Variants in ANK2 observed in about 807,000 individuals in gnomAD.
The protein encoded by ANK2 is ankyrin 2.
A neutral mutation model predicts 360.5 loss-of-function variants in ANK2; 83 were observed. That is an observed-to-expected ratio of 0.23 (90% CI 0.19 to 0.28). The LOEUF is 0.28. Ranked by LOEUF, ANK2 falls within the 10% of genes least tolerant of loss-of-function variation. The pLI is 1.00. For missense variants in ANK2, 4,201 were observed against 4,795.7 expected (o/e 0.88, Z 3.66); for synonymous variants, 1,740 against 1,759.5 (o/e 0.99, Z 0.28).
chr4:113,112,813 G>C (rs1157093321), intron 1 of ANK2, among the ~76,000 whole-genome samples: 1 of 152,154 alleles, frequency 6.6e-6, no homozygotes, highest in East Asian at 1.9e-4. Flanking sequence ...TTTTGATTTG[G>C]AGCTGGAGTG....
chr4:113,209,192 G>C lies in ANK2; in HGVS notation c.384+10083G>C, dbSNP rs181788222. 1.9e-4 allele frequency among the ~76,000 whole-genome samples: 29 copies of C among 152,074 alleles called. No homozygotes were observed. In the East Asian group the frequency reaches 3.5e-3, roughly 18 times the overall value. On this transcript the variant is annotated intron_variant, in intron 4 of 45. Coordinates refer to ENST00000357077, the MANE Select transcript of ANK2 (RefSeq NM_001148.6). ...GAGCATGGCAAAACAAGTTATGGGAGGGGGAGAAGGCGAGGTCTAGCTAAC... is the reference window on the plus strand; with the variant it reads ...GAGCATGGCAAAACAAGTTATGGGACGGGGAGAAGGCGAGGTCTAGCTAAC...
chr4:112,742,979 G>A, the ANK2 span, among the ~76,000 whole-genome samples: 2 of 152,148 alleles, frequency 1.3e-5, no homozygotes, highest in Admixed American at 6.5e-5. Context: ...TCTGAGATCC[G>A]TCAGGACTAC....
chr4:112,746,382 A>T, the ANK2 span, among the ~76,000 whole-genome samples: 7 of 152,028 alleles, frequency 4.6e-5, no homozygotes, highest in Admixed American at 4.6e-4. Context: ...GGGTTAGAAA[A>T]TCCCTAACCC....
At chr4:113,330,948 A>G (rs1465755733) in intron 27 of ANK2, among the ~76,000 whole-genome samples, 1 of 152,240 alleles carries the variant, frequency 6.6e-6, no homozygotes, top group Non-Finnish European at 1.5e-5. Context: ...TTCAGCTATC[A>G]AAATTGCTAC....
intron 5 of ANK2, among the ~76,000 whole-genome samples, chr4:113,233,182 T>A (rs1380670278): frequency 7.9e-6 from 1 of 126,860 alleles, no homozygotes; most frequent in Non-Finnish European, 1.6e-5. Context: ...TCGCCCAGGC[T>A]GGAGTGCAGT....
intron 42 of ANK2, among the ~76,000 whole-genome samples, chr4:113,368,834 A>G (rs547923131): frequency 6.6e-6 from 1 of 152,300 alleles, no homozygotes; most frequent in South Asian, 2.1e-4. Flanking sequence ...AAAGATGGGA[A>G]GAAGAGGAGA....
intron 2 of ANK2, among the ~76,000 whole-genome samples, chr4:113,018,275 G>A (rs1012003704): frequency 6.6e-6 from 1 of 152,136 alleles, no homozygotes; most frequent in Non-Finnish European, 1.5e-5. Flanking sequence ...TTGAAATTAA[G>A]TCTATCATGG....
chr4:112,743,769 T>C, the ANK2 span, among the ~76,000 whole-genome samples: 1 of 152,098 alleles, frequency 6.6e-6, no homozygotes, highest in South Asian at 2.1e-4. Context: ...GGTCTCGAAC[T>C]CCTGACCTCA....
chr4:113,090,877 G>C (rs1028388315), intron 1 of ANK2, among the ~76,000 whole-genome samples: 1 of 151,982 alleles, frequency 6.6e-6, no homozygotes, highest in Admixed American at 6.6e-5. Flanking sequence ...TTTATAATCT[G>C]CCTGGTTGTC....
chr4:113,293,167 T>C, intron 21 of ANK2: 1 of 568,454 alleles, frequency 1.8e-6, no homozygotes, highest in Admixed American at 2.2e-5. Flanking sequence ...TTGTAGAAGA[T>C]ATTTGACAAC....
At chr4:112,739,363 T>C in the ANK2 span, among the ~76,000 whole-genome samples, 5 of 152,162 alleles carry the variant, frequency 3.3e-5, no homozygotes, top group African/African-American at 9.7e-5. Flanking sequence ...CTGTAAGTAA[T>C]CTCAGCACTT....
chr4:112,722,241 C>T, the ANK2 span, among the ~76,000 whole-genome samples: 6 of 152,288 alleles, frequency 3.9e-5, no homozygotes, highest in African/African-American at 7.2e-5. Context: ...CCAAAGCATA[C>T]GAATTTGGAC....
chr4:113,281,191 T>C (rs2062176571), intron 17 of ANK2, among the ~76,000 whole-genome samples: 1 of 152,196 alleles, frequency 6.6e-6, no homozygotes, highest in South Asian at 2.1e-4. Flanking sequence ...TCAAAACACT[T>C]TTTTATTTTT....
upstream of ANK2, among the ~76,000 whole-genome samples, chr4:112,814,437 TTTTGTTTGTTTG>T (rs901979881): frequency 2.5e-5 from 1 of 39,436 alleles, no homozygotes; most frequent in African/African-American, 7.1e-5. Context: ...TTTTTTGTTT[TTTTGTTTGTTTG>T]TTTGTTTGTT....
At chr4:113,056,435 A>G (rs1010432023) in intron 1 of ANK2, among the ~76,000 whole-genome samples, 7 of 152,154 alleles carry the variant, frequency 4.6e-5, no homozygotes, top group African/African-American at 1.7e-4. Context: ...GTCCTGATTC[A>G]GAGCATGCTA....
At chr4:112,937,984 A>G (rs2093899067) in intron 2 of ANK2, among the ~76,000 whole-genome samples, 1 of 152,244 alleles carries the variant, frequency 6.6e-6, no homozygotes, top group Non-Finnish European at 1.5e-5. Flanking sequence ...ATGAATGAAT[A>G]TTTTAAAACA....
intron 4 of ANK2, among the ~76,000 whole-genome samples, chr4:113,211,178 A>C (rs2099016927): frequency 6.6e-6 from 1 of 152,226 alleles, no homozygotes; most frequent in Non-Finnish European, 1.5e-5. Context: ...TTCTATTCAC[A>C]GACAATTATA....
At chr4:113,204,378 A>C (rs2098912467) in intron 4 of ANK2, among the ~76,000 whole-genome samples, 1 of 152,166 alleles carries the variant, frequency 6.6e-6, no homozygotes, top group African/African-American at 2.4e-5. Flanking sequence ...GGAAAATATG[A>C]CTTTTTTATA....
intron 2 of ANK2, among the ~76,000 whole-genome samples, chr4:112,913,618 G>T (rs1466602604): frequency 2.0e-5 from 3 of 152,120 alleles, no homozygotes; most frequent in African/African-American, 7.2e-5. Context: ...TCTCTGGATG[G>T]TTAAAAATAT....
Sources: allele counts gnomAD v4.1 joint callset (sites outside exome capture counted in the v4.1 genomes callset), GRCh38; gene constraint gnomAD v4.1.1; transcripts MANE v1.5; gene names NCBI Gene and HGNC (gene_info 2026-07-23, HGNC 2026-07-21).